Variants in NCAPG2 observed in about 807,000 individuals in gnomAD.
NCAPG2 encodes non-SMC condensin II complex subunit G2.
A neutral mutation model predicts 141.1 loss-of-function variants in NCAPG2; 53 were observed. The ratio of observed to expected loss-of-function variants is 0.38; its 90% CI spans 0.30 to 0.47. The LOEUF is 0.47. Ranked by LOEUF, NCAPG2 falls within the 20% of genes least tolerant of loss-of-function variation. NCAPG2 has a pLI of 0.99. For synonymous variants in NCAPG2, 499 were observed against 490.7 expected, an observed-to-expected ratio of 1.02 and a Z score of -0.22; for missense variants, 1,087 against 1,389.0, an observed-to-expected ratio of 0.78 and a Z score of 3.46.
chr7:158,653,914 G>C lies in NCAPG2; in HGVS notation c.2746+681C>G, dbSNP rs556926430. ...CAGCTACACCACAGAAGCGGCTGAGGGGGAGGCTGGCCGTTAGGGGTTAGG... is the reference window on the plus strand; with the variant it reads ...CAGCTACACCACAGAAGCGGCTGAGCGGGAGGCTGGCCGTTAGGGGTTAGG... On this transcript the variant is annotated intron_variant, in intron 22 of 27. Coordinates refer to ENST00000356309, the MANE Select transcript of NCAPG2 (RefSeq NM_017760.7). Among the ~76,000 whole-genome samples, 4 of 152,168 alleles carry C rather than the reference G, an allele frequency of 2.6e-5. No homozygotes were observed. The South Asian group carries it at 8.3e-4, about 32-fold the overall frequency.
chr7:158,700,839 T>A (rs2129469752), intron 2 of NCAPG2, among the ~76,000 whole-genome samples: 1 of 152,334 alleles, frequency 6.6e-6, no homozygotes, highest in East Asian at 1.9e-4. Context: ...AAAGATACTT[T>A]CGTATTTCAG....
At chr7:158,634,987 C>T (rs1205417531) in intron 27 of NCAPG2, among the ~76,000 whole-genome samples, 2 of 152,184 alleles carry the variant, frequency 1.3e-5, no homozygotes, top group African/African-American at 2.4e-5. Flanking sequence ...TCAGCACTAA[C>T]GTCTGTAAAA....
Position 158,655,238 on chromosome 7 carries a change from C to T in NCAPG2, c.2526G>A (p.Val842=), listed in dbSNP as rs1831819330. Reference sequence around the variant, plus strand: ...CAGTGTCTTCCAACATGGACAAATACACCTTTCCTTCTGAGCAGAACTGTC... The same window carrying T: ...CAGTGTCTTCCAACATGGACAAATATACCTTTCCTTCTGAGCAGAACTGTC... ...LQHKFCSEGK[V]YLSMLEDTGF... is the part of the protein sequence containing the mutation. Residue 842 remains valine (V), a synonymous_variant, in exon 21 of 28, where the codon GTG becomes GTA. Transcript: ENST00000356309. 1.2e-6 allele frequency: 2 copies of T among 1,613,882 alleles called. No individual in the cohort carries two copies. Among genetic ancestry groups the T allele is most frequent in the Non-Finnish European group, 8.5e-7 (1 of 1,179,956 alleles).
At position 158,654,651 on chromosome 7, in the gene NCAPG2, C is replaced by G; in HGVS notation, c.2690G>C (p.Gly897Ala). The change falls in exon 22 of 28, where the codon GGT becomes GCT. Residue 897 changes from glycine (G) to alanine (A), a missense_variant. Gly to Ala is a moderately conservative substitution (Grantham distance 60, BLOSUM62 0). Transcript: ENST00000356309. ...GAGTTGCATCTGAAACTGATGGTCA[C>G]CAAGGCCTACCATAACAACATCTTT... Reference protein sequence around the residue: ...VCKDVVMVGLGDHQFQMQLLQ... With the variant: ...VCKDVVMVGLADHQFQMQLLQ... 1.2e-6 allele frequency: 2 copies of G among 1,614,114 alleles called. No individual in the cohort carries two copies. Among genetic ancestry groups the G allele is most frequent in the Non-Finnish European group, 1.7e-6 (2 of 1,180,000 alleles).
intron 13 of NCAPG2, among the ~76,000 whole-genome samples, chr7:158,666,344 G>C (rs1289503274): frequency 6.6e-6 from 1 of 152,080 alleles, no homozygotes; most frequent in Non-Finnish European, 1.5e-5. Flanking sequence ...ATCAAGCCCT[G>C]AACACTGCAC....
At chr7:158,650,274 T>A (rs56260943) in intron 24 of NCAPG2, among the ~76,000 whole-genome samples, 3,173 of 152,310 alleles carry the variant, frequency 0.021, 116 homozygotes, top group African/African-American at 0.071. Flanking sequence ...CTCAAACTCC[T>A]GACCTCATGA....
chr7:158,637,578 C>CCGAGCCACACACAGGAGCCTGTGGGGCT (rs1461010958), intron 27 of NCAPG2, among the ~76,000 whole-genome samples: 1 of 151,930 alleles, frequency 6.6e-6, no homozygotes, highest in African/African-American at 2.4e-5. Flanking sequence ...AGCTCCGGCT[C>CCGAGCCACACACAGGAGCCTGTGGGGCT]CAGCAGCTCC....
At chr7:158,674,977 C>G (rs1015787641) in intron 12 of NCAPG2, among the ~76,000 whole-genome samples, 1 of 152,136 alleles carries the variant, frequency 6.6e-6, no homozygotes, top group Non-Finnish European at 1.5e-5. Context: ...TCACCAAAGT[C>G]AGGGGGAAAA....
chr7:158,682,380 A>G (rs571938034), intron 9 of NCAPG2, among the ~76,000 whole-genome samples: 77 of 152,150 alleles, frequency 5.1e-4, no homozygotes, highest in Non-Finnish European at 1.0e-3. Flanking sequence ...CATTGAATAT[A>G]TTTATCCTAA....
chr7:158,641,218 CAG>C, intron 27 of NCAPG2: 1 of 321,226 alleles, frequency 3.1e-6, no homozygotes, highest in Admixed American at 4.9e-5. Context: ...GAGTGGAAGA[CAG>C]AAATAGGAAC....
intron 4 of NCAPG2, 136 bp from the exon 5 acceptor site, chr7:158,690,858 C>A: frequency 1.3e-6 from 1 of 760,642 alleles, no homozygotes; most frequent in Non-Finnish European, 1.9e-6. Flanking sequence ...GTTTAACTTG[C>A]CAAAGATTTA....
Position 158,645,504 on chromosome 7 carries a change from G to A in NCAPG2, c.3280+15C>T, listed in dbSNP as rs1231904235. 3.7e-6 allele frequency: 6 copies of A among 1,608,824 alleles called. No homozygotes were observed. The highest frequency in any genetic ancestry group is 1.6e-4 in the Middle Eastern group (1 of 6,076). On this transcript the variant is annotated intron_variant, in intron 26 of 27. Transcript: ENST00000356309. ...ACCAGCCACCTTCCAGATGACAGAG[G>A]GGAATGTAACCAACCTGCATTAATA... is the stretch of plus-strand genomic sequence containing the variant.
rs1188950044 is a variant in NCAPG2 at position 158,692,874 on chromosome 7, T to C, written c.350A>G (p.Glu117Gly). ...TATAATAACACATTCCAGTAGGGCT[T>C]CGTAGTTCTCACTTTCATTTATTAC... ...VSVINESENY[E>G]ALLECVIILN... The change falls in exon 4 of 28, where the codon GAA becomes GGA. Residue 117 changes from glutamate to glycine, a missense_variant. By Grantham distance (98) the Glu-to-Gly change is moderately conservative (BLOSUM62 -2). Transcript: ENST00000356309. The C allele has an allele frequency of 3.1e-6, 5 of 1,587,788 alleles. No individual in the cohort carries two copies. Among genetic ancestry groups the C allele is most frequent in the South Asian group, 1.1e-5 (1 of 88,796 alleles).
intron 16 of NCAPG2, 34 bp downstream of exon 16, chr7:158,662,160 T>C (rs778247889): frequency 1.8e-5 from 28 of 1,557,710 alleles, no homozygotes. Context: ...GTAACCTTAA[T>C]ATACCTTGCT....
At chr7:158,658,314 C>T (rs1298080762) in intron 17 of NCAPG2, 24 bp downstream of exon 17, 7 of 1,586,360 alleles carry the variant, frequency 4.4e-6, no homozygotes, top group African/African-American at 1.4e-5. Flanking sequence ...ACTTTTCTAC[C>T]GTACCAAAAA....
chr7:158,701,701 T>C, intron 2 of NCAPG2, 121 bp downstream of exon 2: 1 of 887,922 alleles, frequency 1.1e-6, no homozygotes, highest in Non-Finnish European at 1.7e-6. Context: ...TTCTTTCAAA[T>C]AAACATTGGT....
At chr7:158,661,490 C>T (rs1425633446) in intron 16 of NCAPG2, among the ~76,000 whole-genome samples, 1 of 152,086 alleles carries the variant, frequency 6.6e-6, no homozygotes, top group Non-Finnish European at 1.5e-5. Context: ...CTAAAGGATT[C>T]AAAATTGCAG....
intron 24 of NCAPG2, among the ~76,000 whole-genome samples, chr7:158,648,219 A>C (rs1831172947): frequency 6.6e-6 from 1 of 152,178 alleles, no homozygotes; most frequent in Non-Finnish European, 1.5e-5. Flanking sequence ...ACAACTGGAG[A>C]TTCCTACCAT....
At chr7:158,642,235 G>C (rs1261096623) in intron 27 of NCAPG2, among the ~76,000 whole-genome samples, 1 of 152,174 alleles carries the variant, frequency 6.6e-6, no homozygotes, top group Non-Finnish European at 1.5e-5. Flanking sequence ...ATGCATAAAA[G>C]GGAAGCAAGA....
Sources: allele counts gnomAD v4.1 joint callset (sites outside exome capture counted in the v4.1 genomes callset), GRCh38; gene constraint gnomAD v4.1.1; transcripts MANE v1.5; gene names NCBI Gene and HGNC (gene_info 2026-07-23, HGNC 2026-07-21).